The following CCDC82 variants were observed in gnomAD, a reference collection of about 807,000 sequenced individuals.
CCDC82 encodes the protein coiled-coil domain containing 82, also known as coiled-coil domain-containing protein 82.
Under a neutral mutation model 60.6 loss-of-function variants are expected in CCDC82, and 47 were observed. The ratio of observed to expected loss-of-function variants is 0.77; its 90% CI spans 0.61 to 0.99. The LOEUF is 0.99. Among genes scored for constraint, CCDC82 ranks in the 50% least tolerant of loss-of-function variants. The pLI, the probability that CCDC82 is intolerant of heterozygous loss-of-function variation, is 0.00. For synonymous variants in CCDC82, 212 were observed against 207.4 expected (o/e 1.02, Z -0.19); for missense variants, 588 against 633.0 (o/e 0.93, Z 0.76).
intron 9 of CCDC82, chr11:96,358,451 A>T (rs1864458816): frequency 1.6e-6 from 2 of 1,230,102 alleles, no homozygotes; most frequent in Non-Finnish European, 2.0e-6. Context: ...AATCAAAATC[A>T]GTGCTGTGGT....
chr11:96,383,172 G>A lies in CCDC82; in HGVS notation c.991+97C>T, dbSNP rs1565321456. 8 of 744,788 alleles carry A rather than the reference G, an allele frequency of 1.1e-5. No individual in the cohort carries two copies. The South Asian group carries it at 1.1e-4, about 11-fold the overall frequency. 46.1% of individuals were successfully genotyped at this position (744,788 alleles called of 1,614,324 possible). On this transcript the variant is annotated intron_variant, in intron 5 of 9. Coordinates refer to ENST00000646818, the MANE Select transcript of CCDC82 (RefSeq NM_024725.4). ...TCTGAAAATGAAACCACAGTTTCTAGTCAATGATTTAGAACATGATATTAA... is the reference window on the plus strand; with the variant it reads ...TCTGAAAATGAAACCACAGTTTCTAATCAATGATTTAGAACATGATATTAA...
intron 8 of CCDC82, among the ~76,000 whole-genome samples, chr11:96,359,743 A>G (rs1469502168): frequency 6.6e-6 from 1 of 151,404 alleles, no homozygotes; most frequent in East Asian, 1.9e-4. Flanking sequence ...TATAAGCAAC[A>G]TGTAAAACTG....
chr11:96,383,880 G>T, intron 4 of CCDC82, 82 bp downstream of exon 4: 2 of 1,225,556 alleles, frequency 1.6e-6, no homozygotes, highest in Admixed American at 2.5e-5. Flanking sequence ...AAATGGAACG[G>T]ACTCAGCACT....
intron 9 of CCDC82, chr11:96,356,962 T>A: frequency 2.0e-6 from 2 of 985,320 alleles, no homozygotes; most frequent in Non-Finnish European, 2.4e-6. Context: ...GGGGTTGACA[T>A]AAATGGGAAA....
rs955325034 is a variant in CCDC82, at chr11:96,374,066, G to A, written c.992-599C>T. ...ACACATGACATCATCTGTTGTGACA[G>A]GCCAGGCAGTGGTTAAGAGAGAAGA... is the stretch of plus-strand genomic sequence containing the variant. On this transcript the variant is annotated intron_variant, in intron 5 of 9. Transcript: ENST00000646818. Among the ~76,000 whole-genome samples the A allele has an allele frequency of 2.0e-5, 3 of 152,134 alleles. No individual in the cohort carries two copies. The South Asian group carries it at 6.2e-4, about 31-fold the overall frequency.
Position 96,383,386 on chromosome 11 carries a change from C to T in CCDC82, c.874G>A (p.Asp292Asn), listed in dbSNP as rs766748804. 1.2e-6 allele frequency: 2 copies of T among 1,600,384 alleles called. No individual in the cohort carries two copies. The highest frequency in any genetic ancestry group is 3.4e-5 in the Admixed American group (2 of 59,072). Residue 292 changes from aspartate to asparagine, a missense_variant, in exon 5 of 10, where the codon GAT becomes AAT. Transcript: ENST00000646818. ...DNYESDEDGD[D>N]YIIDDFVVQD... ...ACTACAAAGTCATCGATAATATAAT[C>T]ATCTCCATCTTCATCAGATTCATAA...
intron 8 of CCDC82, 68 bp from the exon 9 acceptor site, chr11:96,359,246 T>G: frequency 7.8e-7 from 1 of 1,281,318 alleles, no homozygotes; most frequent in African/African-American, 1.5e-5. Flanking sequence ...TGGATTTTCT[T>G]TAGTAGTAGA....
At chr11:96,382,865 T>C in intron 5 of CCDC82, 1 of 157,594 alleles carries the variant, frequency 6.3e-6, no homozygotes, top group Non-Finnish European at 1.4e-5. Flanking sequence ...AAGCTAGACA[T>C]TAAAGATTTA....
chr11:96,357,566 G>C, intron 9 of CCDC82: 1 of 985,154 alleles, frequency 1.0e-6, no homozygotes, highest in Non-Finnish European at 1.2e-6. Context: ...TACATGATTT[G>C]GAAATGCTTT....
At chr11:96,355,001 A>T (rs1864274325) in intron 9 of CCDC82, 1 of 152,122 alleles carries the variant, frequency 6.6e-6, no homozygotes, top group Admixed American at 6.6e-5. Context: ...ATCTGACTGG[A>T]TCTCCTTCTC....
intron 8 of CCDC82, chr11:96,363,400 T>C (rs1313866018): frequency 2.0e-5 from 3 of 152,180 alleles, no homozygotes; most frequent in Admixed American, 2.0e-4. Flanking sequence ...AAGAAAAAAT[T>C]ACTGAAAAAA....
intron 7 of CCDC82, among the ~76,000 whole-genome samples, chr11:96,368,087 T>G (rs571600123): frequency 1.3e-5 from 2 of 152,264 alleles, no homozygotes; most frequent in South Asian, 4.1e-4. Flanking sequence ...CCCAAAATGC[T>G]GGGATTACAG....
intron 4 of CCDC82, 85 bp downstream of exon 4, chr11:96,383,877 A>T: frequency 8.4e-7 from 1 of 1,194,602 alleles, no homozygotes; most frequent in Non-Finnish European, 1.2e-6. Flanking sequence ...GAGAAATGGA[A>T]CGGACTCAGC....
intron 7 of CCDC82, among the ~76,000 whole-genome samples, chr11:96,369,646 C>T (rs1244064102): frequency 2.6e-5 from 4 of 152,164 alleles, no homozygotes; most frequent in Admixed American, 2.0e-4. Context: ...TCAAAGATCA[C>T]TGACCACAGA....
At chr11:96,357,349 A>T in intron 9 of CCDC82, 1 of 985,120 alleles carries the variant, frequency 1.0e-6, no homozygotes, top group Non-Finnish European at 1.2e-6. Flanking sequence ...ATACTGTCCT[A>T]GACATGCACA....
At chr11:96,374,726 C>T (rs576983939) in intron 5 of CCDC82, among the ~76,000 whole-genome samples, 1 of 152,028 alleles carries the variant, frequency 6.6e-6, no homozygotes, top group Non-Finnish European at 1.5e-5. Context: ...AGACCCAGTA[C>T]CCAATAGTTA....
chr11:96,365,808 C>T (rs918406428), intron 7 of CCDC82, among the ~76,000 whole-genome samples: 9 of 152,278 alleles, frequency 5.9e-5, no homozygotes, highest in Middle Eastern at 6.8e-3. Flanking sequence ...TGCTTATGTT[C>T]TAGGCCTGTG....
chr11:96,364,990 T>G lies in CCDC82; in HGVS notation c.1370A>C (p.His457Pro), dbSNP rs777695068. Residue 457 changes from histidine to proline, a missense_variant, in exon 8 of 10, where the codon CAT becomes CCT. Transcript: ENST00000646818. The part of the protein sequence containing the change: ...RTMQIDNFMS[H>P]DKQVFTVGRI... The stretch of plus-strand genomic sequence containing the variant: ...GAGGGAAGAAAATACCTGTTTATCA[T>G]GTGACATGAAATTATCTATTTGCAT... 2 of 1,599,464 alleles carry G rather than the reference T, an allele frequency of 1.3e-6. No individual in the cohort carries two copies. The highest frequency in any genetic ancestry group is 3.5e-5 in the Admixed American group (2 of 56,808).
At chr11:96,371,480 G>T (rs1197654386) in intron 6 of CCDC82, among the ~76,000 whole-genome samples, 4 of 152,178 alleles carry the variant, frequency 2.6e-5, no homozygotes, top group Non-Finnish European at 2.9e-5. Flanking sequence ...TACTCGGGAG[G>T]CTGAGGCAGG....
Sources: gnomAD v4.1 joint callset for allele counts (sites outside exome capture counted in the v4.1 genomes callset) on GRCh38, gnomAD v4.1.1 for gene constraint, MANE v1.5 for transcripts, NCBI Gene and HGNC (gene_info 2026-07-23, HGNC 2026-07-21) for gene names.